The following UBE2W variants were observed in gnomAD, a reference collection of about 807,000 sequenced individuals.
The protein encoded by UBE2W is ubiquitin conjugating enzyme E2 W.
In UBE2W, 18 loss-of-function variants were observed where a neutral mutation model predicts 27.2. The observed-to-expected ratio is 0.66, with a 90% confidence interval of 0.46 to 0.98. The LOEUF is 0.98. UBE2W is among the 50% of genes least tolerant of loss of function. UBE2W has a pLI of 0.00. For missense variants in UBE2W, 90 were observed against 180.2 expected (o/e 0.50, Z 2.87); for synonymous variants, 53 against 57.2 (o/e 0.93, Z 0.33).
intron 1 of UBE2W, among the ~76,000 whole-genome samples, chr8:73,866,391 C>G (rs2130984442): frequency 6.9e-6 from 1 of 143,924 alleles, no homozygotes; most frequent in African/African-American, 2.5e-5. Flanking sequence ...ATCTGAGGAA[C>G]AGCTCTCCAC....
chr8:73,812,528 T>C (rs984229552), intron 3 of UBE2W, among the ~76,000 whole-genome samples: 1 of 152,174 alleles, frequency 6.6e-6, no homozygotes, highest in Non-Finnish European at 1.5e-5. Context: ...TGAACTATAG[T>C]TTATTACATC....
intron 1 of UBE2W, among the ~76,000 whole-genome samples, chr8:73,871,876 C>A (rs896216791): frequency 1.3e-5 from 2 of 151,798 alleles, no homozygotes; most frequent in South Asian, 2.1e-4. Flanking sequence ...TGGAGTGCAG[C>A]GGCACTTTAT....
chr8:73,790,114 C>T lies in UBE2W; in HGVS notation c.*3988G>A. The T allele has an allele frequency of 3.0e-6, 3 of 984,640 alleles. No individual in the cohort carries two copies. The highest frequency in any genetic ancestry group is 3.6e-6 in the Non-Finnish European group (3 of 829,638). The allele number at this position is 984,640 out of a possible 1,614,324, so 61.0% of individuals were successfully genotyped here. On this transcript the variant is annotated 3_prime_UTR_variant, in exon 6 of 6. Coordinates refer to ENST00000602593, the MANE Select transcript of UBE2W (RefSeq NM_018299.6). ...TCCATGTATTTTATTTGTAGGAGAG[C>T]ATTTTAAATTTTTCAAAAATTCATG...
At chr8:73,813,864 T>G (rs372758704) in intron 3 of UBE2W, among the ~76,000 whole-genome samples, 1 of 152,030 alleles carries the variant, frequency 6.6e-6, no homozygotes, top group East Asian at 1.9e-4. Context: ...GTGATTCTCC[T>G]GCCTCAGCCT....
At chr8:73,836,169 T>C (rs1810302659) in intron 1 of UBE2W, among the ~76,000 whole-genome samples, 1 of 152,130 alleles carries the variant, frequency 6.6e-6, no homozygotes, top group African/African-American at 2.4e-5. Context: ...CTCATCAATA[T>C]CACTAAGTCA....
In UBE2W at chr8:73,786,910, A is replaced by G. The variant is rs1470156436; in HGVS notation, c.*7192T>C. The G allele has an allele frequency of 2.0e-6, 2 of 985,334 alleles. No homozygotes were observed. Among genetic ancestry groups the G allele is most frequent in the African/African-American group, 3.5e-5 (2 of 57,246 alleles). The allele number at this position is 985,334 out of a possible 1,614,324, so 61.0% of individuals were successfully genotyped here. A position where few individuals can be genotyped will look rare whatever the true frequency, so the allele number is the denominator to read the frequency against. On this transcript the variant is annotated 3_prime_UTR_variant, in exon 6 of 6. Transcript: ENST00000602593. ...GAAATATGTTTTCATTGAGGTATGG[A>G]AACATAAAATTTTAATGTTGAATTG...
At chr8:73,803,757 CTTTTTTCTTTTCTTTTTTTT>C (rs909623413) in intron 5 of UBE2W, among the ~76,000 whole-genome samples, 34 of 146,446 alleles carry the variant, frequency 2.3e-4, no homozygotes, top group Admixed American at 7.4e-4. Flanking sequence ...TCTTTGTTTT[CTTTTTTCTTTTCTTTTTTTT>C]TTTTTTTGAG....
At chr8:73,848,798 T>C (rs1810930292) in intron 1 of UBE2W, among the ~76,000 whole-genome samples, 1 of 152,232 alleles carries the variant, frequency 6.6e-6, no homozygotes, top group Non-Finnish European at 1.5e-5. Flanking sequence ...GCTACCATTT[T>C]ATTTTTTCAT....
intron 1 of UBE2W, among the ~76,000 whole-genome samples, chr8:73,875,590 C>G (rs1812185053): frequency 8.6e-6 from 1 of 116,828 alleles, no homozygotes. Flanking sequence ...TCAGCAGCAG[C>G]AGCAACATCC....
intron 1 of UBE2W, among the ~76,000 whole-genome samples, chr8:73,872,618 C>T (rs1430158643): frequency 1.3e-5 from 2 of 152,170 alleles, no homozygotes; most frequent in South Asian, 4.1e-4. Flanking sequence ...AAACTAAGCT[C>T]TGAAATCTGT....
chr8:73,872,451 A>G (rs1297746394), intron 1 of UBE2W, among the ~76,000 whole-genome samples: 2 of 152,248 alleles, frequency 1.3e-5, no homozygotes, highest in African/African-American at 4.8e-5. Flanking sequence ...TGCGTTTGCC[A>G]TAACTGTAAT....
downstream of UBE2W, among the ~76,000 whole-genome samples, chr8:73,781,428 C>T (rs1284842666): frequency 1.3e-5 from 2 of 152,022 alleles, no homozygotes; most frequent in Admixed American, 6.6e-5. Context: ...ACTATATAAG[C>T]TACCATACTC....
chr8:73,862,425 A>G (rs1811568000), intron 1 of UBE2W, among the ~76,000 whole-genome samples: 1 of 152,168 alleles, frequency 6.6e-6, no homozygotes, highest in Non-Finnish European at 1.5e-5. Flanking sequence ...TCCTTTCCCC[A>G]TTTCTTGTTT....
At chr8:73,814,985 A>C (rs1020231446) in intron 3 of UBE2W, among the ~76,000 whole-genome samples, 1 of 152,228 alleles carries the variant, frequency 6.6e-6, no homozygotes, top group African/African-American at 2.4e-5. Flanking sequence ...TAAGCAGGCC[A>C]ATCTCTGGGT....
intron 1 of UBE2W, among the ~76,000 whole-genome samples, chr8:73,857,943 G>A (rs113152146): frequency 0.019 from 2,873 of 152,198 alleles, 74 homozygotes; most frequent in African/African-American, 0.065. Flanking sequence ...ACCTTTAAGC[G>A]GCTGGGCATG....
At chr8:73,872,856 T>C (rs952847859) in intron 1 of UBE2W, among the ~76,000 whole-genome samples, 3 of 152,072 alleles carry the variant, frequency 2.0e-5, no homozygotes, top group Non-Finnish European at 2.9e-5. Flanking sequence ...AGTAAAATTA[T>C]AATTGTAAAT....
intron 5 of UBE2W, among the ~76,000 whole-genome samples, chr8:73,801,263 T>C (rs550237153): frequency 5.1e-4 from 78 of 152,326 alleles, no homozygotes; most frequent in Non-Finnish European, 1.0e-3. Flanking sequence ...CTTTCAACCA[T>C]ATAACCCAGC....
Position 73,789,295 on chromosome 8 carries a change from A to C in UBE2W, c.*4807T>G, listed in dbSNP as rs1808090838. On this transcript the variant is annotated 3_prime_UTR_variant, in exon 6 of 6. Transcript: ENST00000602593. ...AGATCAGCCTGGGCAACATGGTGAG[A>C]CCTCGTGTCTTTAAAAAAAAAAAAA... 2.5e-5 allele frequency: 3 copies of C among 121,888 alleles called. No homozygotes were observed. The highest frequency in any genetic ancestry group is 9.8e-5 in the African/African-American group (3 of 30,722). The allele number at this position is 121,888 out of a possible 1,614,324, so 7.6% of individuals were successfully genotyped here. A position where few individuals can be genotyped will look rare whatever the true frequency, so the allele number is the denominator to read the frequency against.
chr8:73,798,496 T>C (rs563116828), intron 5 of UBE2W, among the ~76,000 whole-genome samples: 1 of 152,282 alleles, frequency 6.6e-6, no homozygotes, highest in East Asian at 1.9e-4. Context: ...ATATTCAACC[T>C]ACAGTTTATA....
Sources: allele counts gnomAD v4.1 joint callset (sites outside exome capture counted in the v4.1 genomes callset), GRCh38; gene constraint gnomAD v4.1.1; transcripts MANE v1.5; gene names NCBI Gene and HGNC (gene_info 2026-07-23, HGNC 2026-07-21).